CADM3: variants seen among roughly 807,000 people sequenced by gnomAD.
CADM3 encodes TSLC1-like 1.
Under a neutral mutation model 44.9 loss-of-function variants are expected in CADM3, and 11 were observed. The observed-to-expected ratio is 0.25, with a 90% CI of 0.15 to 0.41. The LOEUF (loss-of-function observed/expected upper bound fraction) is 0.41, where lower values mean the gene tolerates loss of function less well. CADM3 is among the 10% of genes least tolerant of loss of function. The pLI is 1.00. For synonymous variants in CADM3, 207 were observed against 205.2 expected, an observed-to-expected ratio of 1.01 and a Z score of -0.08; for missense variants, 426 against 512.0, an observed-to-expected ratio of 0.83 and a Z score of 1.62.
At position 159,188,656 on chromosome 1, in the gene CADM3, C is replaced by G. The variant is rs553685951; in HGVS notation, c.89-3280C>G. Reference sequence around the variant, plus strand: ...GCACTTGATTGGCTACTTCGGGGCGCTGCGGCGGGAGACCCTGAAAAGATT... The same window carrying G: ...GCACTTGATTGGCTACTTCGGGGCGGTGCGGCGGGAGACCCTGAAAAGATT... On this transcript the variant is annotated intron_variant, in intron 1 of 8. Transcript: ENST00000368125. Among the ~76,000 whole-genome samples the G allele has an allele frequency of 3.3e-5, 5 of 152,256 alleles. No homozygotes were observed. The South Asian group carries it at 1.0e-3, about 32-fold the overall frequency.
intron 1 of CADM3, among the ~76,000 whole-genome samples, chr1:159,176,680 C>T (rs747182858): frequency 2.0e-5 from 3 of 152,162 alleles, no homozygotes; most frequent in Non-Finnish European, 2.9e-5. Context: ...TTATATATGA[C>T]AAGAAGATCC....
intron 1 of CADM3, 108 bp from the exon 2 acceptor site, chr1:159,191,828 G>T: frequency 7.5e-7 from 1 of 1,337,682 alleles, no homozygotes; most frequent in South Asian, 1.3e-5. Context: ...GAGACCTTGT[G>T]TACACAAGGG....
chr1:159,175,214 G>C (rs1398494354), intron 1 of CADM3, among the ~76,000 whole-genome samples: 3 of 152,180 alleles, frequency 2.0e-5, no homozygotes, highest in Non-Finnish European at 4.4e-5. Context: ...TCTCCTCCTA[G>C]TTGCAGCTGT....
chr1:159,181,956 T>C (rs1649244170), intron 1 of CADM3, among the ~76,000 whole-genome samples: 1 of 152,118 alleles, frequency 6.6e-6, no homozygotes, highest in Admixed American at 6.6e-5. Flanking sequence ...GTTCCTCTGC[T>C]TTTTTTCTTC....
chr1:159,192,499 A>G, intron 2 of CADM3, 79 bp from the exon 3 acceptor site: 2 of 1,576,790 alleles, frequency 1.3e-6, no homozygotes, highest in South Asian at 1.1e-5. Flanking sequence ...CTTCCCCCAA[A>G]GAAGCTGGCC....
At chr1:159,193,314 A>G in intron 3 of CADM3, 109 bp from the exon 4 acceptor site, 1 of 1,177,006 alleles carries the variant, frequency 8.5e-7, no homozygotes, top group Non-Finnish European at 1.2e-6. Context: ...ACCCATCAGA[A>G]ATTATAGTAG....
intron 5 of CADM3, chr1:159,195,795 G>A (rs1649866855): frequency 6.6e-6 from 1 of 152,370 alleles, no homozygotes; most frequent in African/African-American, 2.4e-5. Context: ...GTCAATGGCA[G>A]ATGCCATTCT....
chr1:159,196,489 C>T, intron 6 of CADM3, 35 bp downstream of exon 6: 3 of 1,546,364 alleles, frequency 1.9e-6, no homozygotes, highest in South Asian at 2.3e-5. Flanking sequence ...CCTCCTTACT[C>T]TCCACATTCT....
At chr1:159,200,693 A>T (rs1284480817) in intron 8 of CADM3, 111 bp from the exon 9 acceptor site, 1 of 722,038 alleles carries the variant, frequency 1.4e-6, no homozygotes, top group African/African-American at 1.8e-5. Flanking sequence ...AGCTATTGGC[A>T]AGAGAAAAAT....
chr1:159,185,552 C>T (rs1649387227), intron 1 of CADM3, among the ~76,000 whole-genome samples: 1 of 152,178 alleles, frequency 6.6e-6, no homozygotes, highest in Non-Finnish European at 1.5e-5. Context: ...CTTAACTCGG[C>T]TTTAACGTGT....
intron 1 of CADM3, among the ~76,000 whole-genome samples, chr1:159,185,589 G>T (rs1023495863): frequency 3.3e-5 from 5 of 152,170 alleles, no homozygotes; most frequent in African/African-American, 7.2e-5. Flanking sequence ...CTATTAAAAG[G>T]TTGTTCTGGA....
At chr1:159,200,333 C>G (rs1183844630) in intron 8 of CADM3, among the ~76,000 whole-genome samples, 1 of 152,216 alleles carries the variant, frequency 6.6e-6, no homozygotes, top group Non-Finnish European at 1.5e-5. Context: ...TCTCTACCCT[C>G]TTCTCACATT....
chr1:159,200,933 C>G lies in CADM3; in HGVS notation c.*11C>G. The G allele has an allele frequency of 6.3e-7, 1 of 1,575,738 alleles. No individual in the cohort carries two copies. Among genetic ancestry groups the G allele is most frequent in the Non-Finnish European group, 8.6e-7 (1 of 1,158,092 alleles). On this transcript the variant is annotated 3_prime_UTR_variant, in exon 9 of 9. Coordinates refer to ENST00000368125, the MANE Select transcript of CADM3 (RefSeq NM_001127173.3). Reference sequence around the variant, plus strand: ...GAATATTTCATCTAGAGGCGCCTGCCCACTTCCTGCGCCCCCCAGGGGCCC... The same window carrying G: ...GAATATTTCATCTAGAGGCGCCTGCGCACTTCCTGCGCCCCCCAGGGGCCC...
At chr1:159,193,709 G>T (rs1571021099) in intron 4 of CADM3, 149 bp downstream of exon 4, 2 of 1,403,840 alleles carry the variant, frequency 1.4e-6, no homozygotes, top group Non-Finnish European at 2.0e-6. Context: ...CTATGTGTGT[G>T]TTGGGGCCTA....
intron 1 of CADM3, among the ~76,000 whole-genome samples, chr1:159,190,886 G>A (rs1461596257): frequency 6.6e-6 from 1 of 152,350 alleles, no homozygotes; most frequent in East Asian, 1.9e-4. Context: ...TCAAAGAACA[G>A]ATTTTTGTGG....
intron 7 of CADM3, among the ~76,000 whole-genome samples, chr1:159,199,040 C>T (rs1292503844): frequency 6.6e-6 from 1 of 152,100 alleles, no homozygotes; most frequent in East Asian, 1.9e-4. Flanking sequence ...AACTCACCTG[C>T]CACAAAGGAA....
chr1:159,198,189 T>C (rs1184411765), intron 7 of CADM3: 3 of 152,216 alleles, frequency 2.0e-5, no homozygotes, highest in Non-Finnish European at 2.9e-5. Flanking sequence ...AGCTACTGCA[T>C]CTTCTTCCAG....
intron 4 of CADM3, 76 bp from the exon 5 acceptor site, chr1:159,193,794 A>G (rs1180210131): frequency 1.1e-5 from 18 of 1,572,392 alleles, no homozygotes; most frequent in Non-Finnish European, 1.5e-5. Context: ...TGAGGCCCAC[A>G]TGATATCTGT....
At chr1:159,196,640 C>A in intron 6 of CADM3, 186 bp downstream of exon 6, 1 of 637,998 alleles carries the variant, frequency 1.6e-6, no homozygotes, top group Non-Finnish European at 2.7e-6. Context: ...AGGGGCCACT[C>A]CCTAACTCAG....
Sources: gnomAD v4.1 joint callset for allele counts (sites outside exome capture counted in the v4.1 genomes callset) on GRCh38, gnomAD v4.1.1 for gene constraint, MANE v1.5 for transcripts, NCBI Gene and HGNC (gene_info 2026-07-23, HGNC 2026-07-21) for gene names.